CHCHD6: variants seen among roughly 807,000 people sequenced by gnomAD.
CHCHD6 encodes MICOS complex subunit MIC25.
A neutral mutation model predicts 32.3 loss-of-function variants in CHCHD6; 28 were observed. The ratio of observed to expected loss-of-function variants is 0.87; its 90% CI spans 0.64 to 1.19. The LOEUF (loss-of-function observed/expected upper bound fraction) is 1.19. Ranked by LOEUF, CHCHD6 falls within the 50% of genes most tolerant of loss-of-function variation. The pLI is 0.00. For missense variants in CHCHD6, 333 were observed against 307.0 expected, an observed-to-expected ratio of 1.08 and a Z score of -0.63; for synonymous variants, 122 against 117.5, an observed-to-expected ratio of 1.04 and a Z score of -0.25.
intron 5 of CHCHD6, among the ~76,000 whole-genome samples, chr3:126,881,759 A>T (rs1480506414): frequency 6.6e-6 from 1 of 152,216 alleles, no homozygotes; most frequent in East Asian, 1.9e-4. Flanking sequence ...TGATTAAAAT[A>T]GTTCTTTGAT....
chr3:126,786,636 G>A (rs967234226), intron 4 of CHCHD6, among the ~76,000 whole-genome samples: 1 of 152,160 alleles, frequency 6.6e-6, no homozygotes, highest in African/African-American at 2.4e-5. Context: ...CTTTTGAGAA[G>A]TGTCTGTTCA....
chr3:126,949,128 T>C (rs2078679252), intron 6 of CHCHD6: 1 of 152,416 alleles, frequency 6.6e-6, no homozygotes, highest in South Asian at 2.1e-4. Flanking sequence ...CCTCCAATGC[T>C]CCTGCTTGGC....
chr3:126,704,911 G>T (rs114993036), intron 1 of CHCHD6, among the ~76,000 whole-genome samples: 29 of 152,276 alleles, frequency 1.9e-4, no homozygotes, highest in African/African-American at 6.5e-4. Context: ...TTCCTAGCGC[G>T]CTTGGATGAT....
intron 5 of CHCHD6, among the ~76,000 whole-genome samples, chr3:126,908,914 G>T (rs1018514578): frequency 6.6e-6 from 1 of 152,272 alleles, no homozygotes; most frequent in Admixed American, 6.5e-5. Flanking sequence ...CTTGCCTGTG[G>T]TTACACACCC....
At chr3:126,925,311 G>C (rs1388075136) in intron 6 of CHCHD6, among the ~76,000 whole-genome samples, 3 of 152,188 alleles carry the variant, frequency 2.0e-5, no homozygotes, top group African/African-American at 7.2e-5. Flanking sequence ...CAGGAAAGGA[G>C]AAGGCTGACC....
intron 4 of CHCHD6, among the ~76,000 whole-genome samples, chr3:126,744,832 C>T (rs1180682396): frequency 2.0e-5 from 3 of 152,256 alleles, no homozygotes; most frequent in East Asian, 1.9e-4. Context: ...GGACTACCGG[C>T]GTGCACCACC....
intron 5 of CHCHD6, among the ~76,000 whole-genome samples, chr3:126,889,977 C>T (rs2077733559): frequency 8.2e-6 from 1 of 121,840 alleles, no homozygotes. Flanking sequence ...GAGCTGACAG[C>T]GTTGACGGGC....
chr3:126,764,596 C>T (rs1347043694), intron 4 of CHCHD6, among the ~76,000 whole-genome samples: 8 of 152,310 alleles, frequency 5.3e-5, no homozygotes, highest in Admixed American at 3.9e-4. Context: ...TTACATGAGG[C>T]TGCCGGAAGA....
intron 4 of CHCHD6, among the ~76,000 whole-genome samples, chr3:126,792,021 C>T (rs569871734): frequency 3.4e-4 from 51 of 152,172 alleles, no homozygotes; most frequent in Admixed American, 8.5e-4. Flanking sequence ...TTTCGGGGTT[C>T]GTCCATGTTA....
chr3:126,777,155 T>C (rs1156984901), intron 4 of CHCHD6, among the ~76,000 whole-genome samples: 2 of 152,226 alleles, frequency 1.3e-5, no homozygotes, highest in African/African-American at 2.4e-5. Flanking sequence ...ATAGCATTTC[T>C]TTATAATACT....
chr3:126,755,512 C>T (rs1230553216), intron 4 of CHCHD6, among the ~76,000 whole-genome samples: 1 of 152,148 alleles, frequency 6.6e-6, no homozygotes, highest in Non-Finnish European at 1.5e-5. Context: ...TGTCATTTCA[C>T]CAGGCTTCCC....
intron 5 of CHCHD6, among the ~76,000 whole-genome samples, chr3:126,906,812 A>T (rs988538873): frequency 3.3e-5 from 5 of 152,058 alleles, no homozygotes; most frequent in African/African-American, 1.2e-4. Context: ...TTCATTATTC[A>T]TTGGATCCTC....
At chr3:126,847,053 T>A (rs1299323091) in intron 4 of CHCHD6, among the ~76,000 whole-genome samples, 1 of 152,202 alleles carries the variant, frequency 6.6e-6, no homozygotes, top group Non-Finnish European at 1.5e-5. Flanking sequence ...CATTTTTCTT[T>A]TAAGGGTGAG....
chr3:126,771,930 G>A (rs980752376), intron 4 of CHCHD6, among the ~76,000 whole-genome samples: 4 of 152,184 alleles, frequency 2.6e-5, no homozygotes, highest in Non-Finnish European at 5.9e-5. Flanking sequence ...GTGGCAATAT[G>A]AAGTTGTTTT....
At chr3:126,816,480 T>C (rs1019402372) in intron 4 of CHCHD6, among the ~76,000 whole-genome samples, 9 of 152,146 alleles carry the variant, frequency 5.9e-5, no homozygotes, top group Admixed American at 3.3e-4. Flanking sequence ...CAGCCAGCTG[T>C]CATTGCCAGG....
chr3:126,802,250 A>G (rs562045256), intron 4 of CHCHD6, among the ~76,000 whole-genome samples: 36 of 152,364 alleles, frequency 2.4e-4, no homozygotes, highest in Non-Finnish European at 4.8e-4. Flanking sequence ...AAGGCTTCAG[A>G]CGATCAAACT....
chr3:126,779,505 C>G (rs1937820557), intron 4 of CHCHD6, among the ~76,000 whole-genome samples: 1 of 146,002 alleles, frequency 6.8e-6, no homozygotes, highest in Admixed American at 7.0e-5. Flanking sequence ...CCACTGCACT[C>G]CATCCTGGCA....
At chr3:126,761,395 T>C (rs1937158038) in intron 4 of CHCHD6, among the ~76,000 whole-genome samples, 1 of 152,182 alleles carries the variant, frequency 6.6e-6, no homozygotes, top group Admixed American at 6.5e-5. Flanking sequence ...TATATGACAT[T>C]TAGGGCCCAC....
At chr3:126,793,156 A>G (rs988246645) in intron 4 of CHCHD6, among the ~76,000 whole-genome samples, 7 of 152,080 alleles carry the variant, frequency 4.6e-5, no homozygotes, top group Admixed American at 4.6e-4. Flanking sequence ...GTCTTTTTTA[A>G]AAAGTCCATT....
Sources: gnomAD v4.1 joint callset for allele counts (sites outside exome capture counted in the v4.1 genomes callset) on GRCh38, gnomAD v4.1.1 for gene constraint, MANE v1.5 for transcripts, NCBI Gene and HGNC (gene_info 2026-07-23, HGNC 2026-07-21) for gene names.